Variants in MOCS1 observed in about 807,000 individuals in gnomAD.
The protein encoded by MOCS1 is molybdenum cofactor biosynthesis protein 1.
MOCS1 carries 39 observed loss-of-function variants against 57.6 expected under a neutral mutation model. That is an observed-to-expected ratio of 0.68 (90% confidence interval 0.52 to 0.88). MOCS1 has a LOEUF of 0.88. MOCS1 is among the 40% of genes least tolerant of loss of function. MOCS1 has a pLI of 0.00. For synonymous variants in MOCS1, 334 were observed against 335.7 expected, an observed-to-expected ratio of 1.00 and a Z score of 0.05; for missense variants, 795 against 831.1, an observed-to-expected ratio of 0.96 and a Z score of 0.53.
At chr6:39,909,338 G>A (rs1290478958) in intron 9 of MOCS1, among the ~76,000 whole-genome samples, 1 of 147,762 alleles carries the variant, frequency 6.8e-6, no homozygotes. Context: ...GAGAGGGAGA[G>A]GAAAGCAGGG....
intron 3 of MOCS1, among the ~76,000 whole-genome samples, chr6:39,923,012 G>A (rs1582828472): frequency 6.6e-6 from 1 of 152,214 alleles, no homozygotes; most frequent in African/African-American, 2.4e-5. Context: ...GCTAGCCCCT[G>A]AGGGATGTCA....
intron 3 of MOCS1, among the ~76,000 whole-genome samples, chr6:39,919,653 A>C (rs113226759): frequency 4.4e-4 from 67 of 152,330 alleles, no homozygotes; most frequent in African/African-American, 1.5e-3. Context: ...AGTGATTAAG[A>C]CAGTTGATAC....
At chr6:39,927,303 A>G in intron 2 of MOCS1, 26 bp downstream of exon 2, 2 of 1,607,896 alleles carry the variant, frequency 1.2e-6, no homozygotes, top group Non-Finnish European at 1.7e-6. Flanking sequence ...ACACCAGCCC[A>G]GAGAGGGCCC....
intron 2 of MOCS1, among the ~76,000 whole-genome samples, chr6:39,926,523 A>G (rs1768313114): frequency 6.6e-6 from 1 of 151,146 alleles, no homozygotes; most frequent in African/African-American, 2.4e-5. Flanking sequence ...AAGATCTGTT[A>G]GAGAGTCATG....
chr6:39,927,156 T>C (rs1033949459), intron 2 of MOCS1, 173 bp downstream of exon 2: 37 of 671,158 alleles, frequency 5.5e-5, no homozygotes, highest in African/African-American at 4.9e-4. Context: ...AACTCAGCCT[T>C]GACCCCTATC....
intron 3 of MOCS1, among the ~76,000 whole-genome samples, chr6:39,919,713 C>T (rs554703644): frequency 1.3e-5 from 2 of 152,120 alleles, no homozygotes; most frequent in Admixed American, 1.3e-4. Context: ...GAACTTGAAA[C>T]AGATCAAGTT....
intron 8 of MOCS1, among the ~76,000 whole-genome samples, chr6:39,911,257 G>C (rs760775106): frequency 6.6e-6 from 1 of 152,138 alleles, no homozygotes; most frequent in African/African-American, 2.4e-5. Flanking sequence ...TCAGCAACCT[G>C]CTGGATGGTT....
In MOCS1 at chr6:39,905,492, C is replaced by G; in HGVS notation, c.*865G>C. On this transcript the variant is annotated 3_prime_UTR_variant, in exon 11 of 11. Transcript: ENST00000340692. ...CTGTGAAACTGCAGCAGCTCAGTGC[C>G]CTACCCACACAGTGTCTTCATTCTT... 1 of 471,170 alleles carries G rather than the reference C, an allele frequency of 2.1e-6. No homozygotes were observed. The highest frequency in any genetic ancestry group is 1.5e-5 in the South Asian group (1 of 64,570). 29.2% of individuals were successfully genotyped at this position (471,170 alleles called of 1,614,324 possible).
Position 39,905,723 on chromosome 6 carries a change from G to T in MOCS1, c.*634C>A, listed in dbSNP as rs1279014180. ...TGCACATCCTGTTTCAGAAGAGGGG[G>T]GCCAGAGGAAAAGGGGCCAGCAGGA... On this transcript the variant is annotated 3_prime_UTR_variant, in exon 11 of 11. Coordinates refer to ENST00000340692, the MANE Select transcript of MOCS1 (RefSeq NM_001358530.2). 2 of 471,046 alleles carry T rather than the reference G, an allele frequency of 4.2e-6. No homozygotes were observed. 29.2% of individuals were successfully genotyped at this position (471,046 alleles called of 1,614,324 possible). A position where few individuals can be genotyped will look rare whatever the true frequency, so the allele number is the denominator to read the frequency against.
rs1266797677 is a variant in MOCS1 at position 39,906,596 on chromosome 6, C to A, written c.1672G>T (p.Ala558Ser). The change falls in exon 11 of 11, where the codon GCC becomes TCC. Residue 558 changes from alanine (A) to serine (S), a missense_variant. Coordinates refer to ENST00000340692, the MANE Select transcript of MOCS1 (RefSeq NM_001358530.2). ...SQLIPLCHHV[A>S]LSHIQVQLEL... Reference sequence around the variant, plus strand: ...AGCTGCACCTGGATGTGGCTCAGGGCCACGTGGTGGCACAGAGGGATCAGC... The same window carrying A: ...AGCTGCACCTGGATGTGGCTCAGGGACACGTGGTGGCACAGAGGGATCAGC... 1 of 1,613,852 alleles carries A rather than the reference C, an allele frequency of 6.2e-7. No homozygotes were observed. Among genetic ancestry groups the A allele is most frequent in the Non-Finnish European group, 8.5e-7 (1 of 1,180,036 alleles).
chr6:39,927,793 G>A, intron 1 of MOCS1: 1 of 1,394,620 alleles, frequency 7.2e-7, no homozygotes, highest in South Asian at 1.4e-5. Flanking sequence ...GCCAAAAAAA[G>A]GATTGTGCAC....
chr6:39,918,213 G>A (rs965099701), intron 3 of MOCS1, among the ~76,000 whole-genome samples: 3 of 152,190 alleles, frequency 2.0e-5, no homozygotes, highest in Non-Finnish European at 2.9e-5. Flanking sequence ...CACCAGACCA[G>A]TTGTTTCCAA....
chr6:39,914,258 C>T (rs1325192463), intron 4 of MOCS1, among the ~76,000 whole-genome samples: 2 of 152,166 alleles, frequency 1.3e-5, no homozygotes, highest in African/African-American at 4.8e-5. Flanking sequence ...GCCTGTGGGC[C>T]ATAGCATGCT....
intron 3 of MOCS1, among the ~76,000 whole-genome samples, chr6:39,920,358 G>A (rs1163779384): frequency 6.6e-6 from 1 of 152,164 alleles, no homozygotes; most frequent in Non-Finnish European, 1.5e-5. Context: ...ATTAAGTAAT[G>A]CCACATTGTT....
At chr6:39,927,218 G>T in intron 2 of MOCS1, 111 bp downstream of exon 2, 1 of 1,400,042 alleles carries the variant, frequency 7.1e-7, no homozygotes. Flanking sequence ...AGGTGAAGAA[G>T]TTAGAAAGCA....
chr6:39,906,513 GC>G lies in MOCS1; in HGVS notation c.1754del (p.Gly585AlafsTer10). The stretch of plus-strand genomic sequence containing the variant: ...GGGCCTCCATCTCCACCCCGGTGGG[GC>G]CCCGAGCCCGGCAAGATGCCTGGAT... Reference protein sequence around the residue: ...VKIQASCRARGPTGVEMEALT... With the variant: ...VKIQASCRARXPTGVEMEALT... On this transcript the variant is annotated frameshift_variant, in exon 11 of 11. Transcript: ENST00000340692. LOFTEE classifies it high-confidence loss of function. The G allele has an allele frequency of 6.2e-7, 1 of 1,613,992 alleles. No homozygotes were observed. The highest frequency in any genetic ancestry group is 1.7e-5 in the Admixed American group (1 of 60,034).
Position 39,913,415 on chromosome 6 carries a change from A to G in MOCS1, c.659T>C (p.Val220Ala). ...TTCATCCTCGTTAAGGCCTCGCATCACCACACAGTTCACCTGGCCGGGGAA... is the reference window on the plus strand; with the variant it reads ...TTCATCCTCGTTAAGGCCTCGCATCGCCACACAGTTCACCTGGCCGGGGAA... Reference protein sequence around the residue: ...GYNPVKVNCVVMRGLNEDELL... With the variant: ...GYNPVKVNCVAMRGLNEDELL... The change falls in exon 6 of 11, where the codon GTG becomes GCG. Residue 220 changes from valine (V) to alanine (A), a missense_variant. This residue lies in a region of MOCS1 where 416 missense variants were observed against 392.4 expected (regional missense o/e 1.06). Transcript: ENST00000340692. The G allele has an allele frequency of 6.2e-7, 1 of 1,614,118 alleles. No homozygotes were observed. The highest frequency in any genetic ancestry group is 8.5e-7 in the Non-Finnish European group (1 of 1,179,986).
At chr6:39,916,364 C>A in intron 3 of MOCS1, 132 bp from the exon 4 acceptor site, 1 of 1,058,722 alleles carries the variant, frequency 9.4e-7, no homozygotes, top group South Asian at 1.6e-5. Context: ...CTATATTAAC[C>A]AGGCCTAACT....
intron 3 of MOCS1, among the ~76,000 whole-genome samples, chr6:39,916,537 A>G (rs1325246851): frequency 1.3e-5 from 2 of 152,226 alleles, no homozygotes; most frequent in East Asian, 3.8e-4. Flanking sequence ...GTGCTCTGAA[A>G]GATTATGAAA....
Sources: gnomAD v4.1 joint callset for allele counts (sites outside exome capture counted in the v4.1 genomes callset) on GRCh38, gnomAD v4.1.1 for gene constraint, gnomAD v4.1.1 regional missense constraint, MANE v1.5 for transcripts, NCBI Gene and HGNC (gene_info 2026-07-23, HGNC 2026-07-21) for gene names.